The following ALKBH3 variants were observed in gnomAD, a reference collection of about 807,000 sequenced individuals.
ALKBH3 encodes the protein alkB homolog 3, alpha-ketoglutarate dependent dioxygenase, also known as alpha-ketoglutarate-dependent dioxygenase alkB homolog 3.
A neutral mutation model predicts 43.9 loss-of-function variants in ALKBH3; 51 were observed. The ratio of observed to expected loss-of-function variants is 1.16; its 90% CI spans 0.93 to 1.47. The LOEUF (loss-of-function observed/expected upper bound fraction) is 1.47, where lower values mean the gene tolerates loss of function less well. ALKBH3 is among the 40% of genes most tolerant of loss of function. ALKBH3 has a pLI of 0.00. For synonymous variants in ALKBH3, 102 were observed against 115.2 expected (o/e 0.89, Z 0.73); for missense variants, 361 against 351.9 (o/e 1.03, Z -0.21).
intron 8 of ALKBH3, among the ~76,000 whole-genome samples, chr11:43,917,799 G>A (rs2135209331): frequency 6.6e-6 from 1 of 152,262 alleles, no homozygotes; most frequent in South Asian, 2.1e-4. Flanking sequence ...AAAGGTGGCA[G>A]ACACAATTAA....
chr11:43,907,009 T>C (rs1026119567), intron 8 of ALKBH3, among the ~76,000 whole-genome samples: 1 of 152,180 alleles, frequency 6.6e-6, no homozygotes, highest in Admixed American at 6.5e-5. Context: ...TTTTCAGATA[T>C]GGAAACTGAA....
At position 43,908,872 on chromosome 11, in the gene ALKBH3, C is replaced by T. The variant is rs547883796; in HGVS notation, c.669+7147C>T. On this transcript the variant is annotated intron_variant, in intron 8 of 9. Transcript: ENST00000302708. The stretch of plus-strand genomic sequence containing the variant: ...CGATGCCTGCTGAGAGAGCTTGTGC[C>T]GCAGCCAACAATTGCCCAGGCCTCC... Among the ~76,000 whole-genome samples the T allele has an allele frequency of 6.0e-4, 92 of 152,276 alleles. 1 individual carries two copies. Among genetic ancestry groups the T allele is most frequent in the South Asian group, 2.3e-3 (11 of 4,808 alleles).
At chr11:43,916,008 G>A (rs969211622) in intron 8 of ALKBH3, among the ~76,000 whole-genome samples, 2 of 152,154 alleles carry the variant, frequency 1.3e-5, no homozygotes, top group African/African-American at 4.8e-5. Context: ...GTAAACTTAT[G>A]TTACTTTTTA....
At chr11:43,894,265 GAGGT>G (rs1335716136) in intron 7 of ALKBH3, among the ~76,000 whole-genome samples, 1 of 152,172 alleles carries the variant, frequency 6.6e-6, no homozygotes. Context: ...TGTAGACCCA[GAGGT>G]ACCTCTGAGG....
At chr11:43,890,982 A>T (rs1395633390) in intron 6 of ALKBH3, among the ~76,000 whole-genome samples, 6 of 152,180 alleles carry the variant, frequency 3.9e-5, no homozygotes, top group Non-Finnish European at 7.3e-5. Context: ...CTATGTAAAT[A>T]GTTGTTATAC....
intron 7 of ALKBH3, chr11:43,899,154 G>A: frequency 1.3e-6 from 1 of 783,896 alleles, no homozygotes; most frequent in South Asian, 1.3e-5. Flanking sequence ...ACCCAAAAAG[G>A]ACTCCCTAGG....
chr11:43,887,178 T>A (rs1310206785), intron 5 of ALKBH3, among the ~76,000 whole-genome samples: 3 of 152,264 alleles, frequency 2.0e-5, no homozygotes. Context: ...AAAAATTTGA[T>A]AATATCTCCT....
At chr11:43,892,249 C>G (rs1400227840) in intron 7 of ALKBH3, 120 bp downstream of exon 7, 10 of 818,084 alleles carry the variant, frequency 1.2e-5, no homozygotes, top group Non-Finnish European at 1.9e-5. Flanking sequence ...CAAAAAACCT[C>G]TCTGGGTTGA....
At chr11:43,900,213 T>TA (rs1554976907) in intron 7 of ALKBH3, among the ~76,000 whole-genome samples, 9 of 113,336 alleles carry the variant, frequency 7.9e-5, no homozygotes, top group South Asian at 3.5e-4. Flanking sequence ...TATTTTAATT[T>TA]AATTTTTTTT....
At chr11:43,885,306 C>T (rs1004526955) in intron 4 of ALKBH3, among the ~76,000 whole-genome samples, 21 of 152,258 alleles carry the variant, frequency 1.4e-4, no homozygotes, top group Middle Eastern at 3.4e-3. Flanking sequence ...TGAGCCATTT[C>T]TGAATGTGGG....
chr11:43,911,966 C>T (rs1951942678), intron 8 of ALKBH3, among the ~76,000 whole-genome samples: 1 of 151,508 alleles, frequency 6.6e-6, no homozygotes, highest in South Asian at 2.1e-4. Context: ...ACTAAAAATA[C>T]AAAAAAAATA....
At chr11:43,898,228 C>T (rs2434474) in intron 7 of ALKBH3, 562,496 of 966,548 alleles carry the variant, frequency 0.58, 167,444 homozygotes, top group East Asian at 0.62. Flanking sequence ...CGGGTGGCTC[C>T]AGGAGACCCA....
chr11:43,885,161 C>A (rs1191661325), intron 4 of ALKBH3, among the ~76,000 whole-genome samples: 1 of 152,130 alleles, frequency 6.6e-6, no homozygotes, highest in African/African-American at 2.4e-5. Flanking sequence ...TTCGGCCCCC[C>A]AGAAACAGGC....
At chr11:43,905,992 T>G (rs1340237093) in intron 8 of ALKBH3, among the ~76,000 whole-genome samples, 1 of 152,038 alleles carries the variant, frequency 6.6e-6, no homozygotes, top group Non-Finnish European at 1.5e-5. Flanking sequence ...GCACTGGAGG[T>G]TTAGATGCCA....
At chr11:43,913,151 T>C (rs541388449) in intron 8 of ALKBH3, among the ~76,000 whole-genome samples, 2 of 151,970 alleles carry the variant, frequency 1.3e-5, no homozygotes, top group East Asian at 3.9e-4. Context: ...TTGGTCATGG[T>C]ACACAAATAT....
Position 43,893,786 on chromosome 11 carries a change from G to A in ALKBH3, c.459+1657G>A, listed in dbSNP as rs1024930711. ...AATTAGAATTCTTTAATTCAGATTTGGCTGGCTCATAACTTTGCCTTTATT... is the reference window on the plus strand; with the variant it reads ...AATTAGAATTCTTTAATTCAGATTTAGCTGGCTCATAACTTTGCCTTTATT... On this transcript the variant is annotated intron_variant, in intron 7 of 9. Transcript: ENST00000302708. 7.9e-5 allele frequency among the ~76,000 whole-genome samples: 12 copies of A among 152,246 alleles called. No homozygotes were observed. The East Asian group carries it at 2.3e-3, about 29-fold the overall frequency.
chr11:43,898,849 C>A, intron 7 of ALKBH3: 1 of 765,468 alleles, frequency 1.3e-6, no homozygotes, highest in East Asian at 2.4e-5. Flanking sequence ...TCCTGGAGGC[C>A]TGCTGGATTA....
intron 5 of ALKBH3, among the ~76,000 whole-genome samples, chr11:43,889,043 T>C (rs996019237): frequency 6.6e-6 from 1 of 152,238 alleles, no homozygotes; most frequent in African/African-American, 2.4e-5. Context: ...TTTTTCTTTT[T>C]TCGAGATGGA....
intron 8 of ALKBH3, among the ~76,000 whole-genome samples, chr11:43,905,775 C>T (rs559698242): frequency 6.6e-6 from 1 of 152,094 alleles, no homozygotes; most frequent in Non-Finnish European, 1.5e-5. Flanking sequence ...TGTCCCAAAC[C>T]CAGTTGTACT....
Sources: gnomAD v4.1 joint callset for allele counts (sites outside exome capture counted in the v4.1 genomes callset) on GRCh38, gnomAD v4.1.1 for gene constraint, MANE v1.5 for transcripts, NCBI Gene and HGNC (gene_info 2026-07-23, HGNC 2026-07-21) for gene names.